Variants in RBFOX1 observed in about 807,000 individuals in gnomAD.
RBFOX1 encodes the protein RNA binding protein fox-1 homolog 1.
In RBFOX1, 8 loss-of-function variants were observed where a neutral mutation model predicts 57.7. The observed-to-expected ratio is 0.14, with a 90% CI of 0.08 to 0.25. The LOEUF (loss-of-function observed/expected upper bound fraction) is 0.25, where lower values mean the gene tolerates loss of function less well. Ranked by LOEUF, RBFOX1 falls within the 10% of genes least tolerant of loss-of-function variation. The probability of loss-of-function intolerance (pLI) is 1.00; values close to 1 mark genes in which losing one functional copy is unlikely to be tolerated. For missense variants in RBFOX1, 611 were observed against 548.5 expected, an observed-to-expected ratio of 1.11 and a Z score of -1.14; for synonymous variants, 326 against 222.4, an observed-to-expected ratio of 1.47 and a Z score of -4.15.
rs565027032 is a variant in RBFOX1 at position 6,193,637 on chromosome 16, C to T, written c.-126-123358C>T. On this transcript the variant is annotated intron_variant, in intron 1 of 15. Coordinates refer to ENST00000550418, the MANE Select transcript of RBFOX1 (RefSeq NM_018723.4). Reference sequence around the variant, plus strand: ...CAGGCAAAGCATTCAGTGACTTGGGCAGCAGTGAGTGTGCAGTAAATGCTA... The same window carrying T: ...CAGGCAAAGCATTCAGTGACTTGGGTAGCAGTGAGTGTGCAGTAAATGCTA... Among the ~76,000 whole-genome samples, 20 of 151,844 alleles carry T rather than the reference C, an allele frequency of 1.3e-4. 1 individual carries two copies. The South Asian group carries it at 2.1e-3, about 16-fold the overall frequency.
Position 5,480,971 on chromosome 16 carries a change from A to G in RBFOX1, c.258+13717A>G, listed in dbSNP as rs111536900. Among the ~76,000 whole-genome samples the G allele has an allele frequency of 7.1e-3, 1,075 of 152,358 alleles. 10 individuals carry two copies. The highest frequency in any genetic ancestry group is 0.024 in the African/African-American group (990 of 41,578). ...ATTCTGGAGGTGGAATGCTCCGTCT[A>G]AAGTCTGAGCTGAGCATTCATGCAG... On this transcript the variant is annotated intron_variant, in intron 2 of 2. Transcript: ENST00000585867.
intron 15 of RBFOX1, chr16:7,709,470 C>A: frequency 6.9e-7 from 1 of 1,443,886 alleles, no homozygotes. Context: ...TTTTTTTTCC[C>A]TCCCTTGCTG....
At chr16:7,613,658 T>G (rs1568099244) in intron 10 of RBFOX1, among the ~76,000 whole-genome samples, 1 of 152,066 alleles carries the variant, frequency 6.6e-6, no homozygotes, top group Non-Finnish European at 1.5e-5. Flanking sequence ...TGGGCTAGAG[T>G]GAACCATGAT....
intron 2 of RBFOX1, among the ~76,000 whole-genome samples, chr16:5,565,806 G>A (rs903165159): frequency 1.3e-5 from 2 of 152,010 alleles, no homozygotes; most frequent in Admixed American, 1.3e-4. Flanking sequence ...ATGTGGACAT[G>A]GGAAATAAGA....
chr16:6,992,707 G>A (rs535143569), intron 3 of RBFOX1, among the ~76,000 whole-genome samples: 1 of 152,146 alleles, frequency 6.6e-6, no homozygotes, highest in South Asian at 2.1e-4. Context: ...ACCAGCTAAT[G>A]ATTTTAGAGA....
At chr16:7,158,179 T>G (rs925399223) in intron 4 of RBFOX1, among the ~76,000 whole-genome samples, 1 of 152,014 alleles carries the variant, frequency 6.6e-6, no homozygotes, top group Non-Finnish European at 1.5e-5. Flanking sequence ...AAACCCTGTC[T>G]CTATAAAAAT....
chr16:5,533,736 G>T (rs1032722021), intron 2 of RBFOX1, among the ~76,000 whole-genome samples: 4 of 152,200 alleles, frequency 2.6e-5, no homozygotes, highest in African/African-American at 9.7e-5. Flanking sequence ...GTGTTTCAAG[G>T]TTACCGGGGA....
At position 7,126,399 on chromosome 16, in the gene RBFOX1, C is replaced by T. The variant is rs573455234; in HGVS notation, c.27+74301C>T. 15 of 241,274 alleles carry T rather than the reference C, an allele frequency of 6.2e-5. No individual in the cohort carries two copies. The East Asian group carries it at 1.6e-3, about 26-fold the overall frequency. The allele number at this position is 241,274 out of a possible 1,614,324, so 14.9% of individuals were successfully genotyped here. On this transcript the variant is annotated intron_variant, in intron 4 of 15. Transcript: ENST00000550418. ...ACAAGATCAATTCCTGACTACTTTA[C>T]TGTGAACTGTGCAGCTCACACAGTA...
chr16:6,470,993 T>A (rs573488696), intron 2 of RBFOX1, among the ~76,000 whole-genome samples: 2 of 152,344 alleles, frequency 1.3e-5, no homozygotes, highest in South Asian at 4.1e-4. Context: ...CCAGTGTTCC[T>A]TTCTGCACAC....
intron 1 of RBFOX1, among the ~76,000 whole-genome samples, chr16:6,030,850 T>C (rs1270878625): frequency 1.3e-5 from 2 of 152,200 alleles, no homozygotes; most frequent in South Asian, 4.2e-4. Flanking sequence ...ATTTATTGCC[T>C]TTTTCATGCA....
At chr16:6,612,849 C>CAAA (rs539098192) in intron 2 of RBFOX1, among the ~76,000 whole-genome samples, 58 of 103,072 alleles carry the variant, frequency 5.6e-4, no homozygotes, top group East Asian at 2.8e-3. Flanking sequence ...GACTCTCTCT[C>CAAA]AAAAAAAAAA....
intron 3 of RBFOX1, among the ~76,000 whole-genome samples, chr16:6,936,468 C>A (rs934731893): frequency 2.0e-5 from 3 of 152,134 alleles, no homozygotes; most frequent in Non-Finnish European, 4.4e-5. Flanking sequence ...TCATTACTTT[C>A]TTCCTTCATC....
At chr16:7,269,403 A>T (rs1205716169) in intron 4 of RBFOX1, among the ~76,000 whole-genome samples, 1 of 152,174 alleles carries the variant, frequency 6.6e-6, no homozygotes, top group African/African-American at 2.4e-5. Context: ...ATCACTTTTT[A>T]AAAACATTTT....
At chr16:7,630,460 G>A (rs779401330) in intron 10 of RBFOX1, 143 bp from the exon 11 acceptor site, 1 of 1,505,662 alleles carries the variant, frequency 6.6e-7, no homozygotes, top group Non-Finnish European at 8.8e-7. Flanking sequence ...TAAGGCAGGG[G>A]GCTTTGTTGG....
At chr16:6,284,263 A>G (rs1031836717) in intron 1 of RBFOX1, among the ~76,000 whole-genome samples, 4 of 152,144 alleles carry the variant, frequency 2.6e-5, no homozygotes, top group African/African-American at 7.2e-5. Context: ...AGTTTGCTCG[A>G]TCTCTTTTCC....
intron 2 of RBFOX1, among the ~76,000 whole-genome samples, chr16:6,526,918 T>A (rs1398786297): frequency 6.4e-5 from 8 of 125,126 alleles, no homozygotes; most frequent in Non-Finnish European, 1.2e-4. Context: ...CCATGGTACA[T>A]AAAAGATATA....
At chr16:6,187,843 C>T (rs558903544) in intron 1 of RBFOX1, among the ~76,000 whole-genome samples, 2 of 152,150 alleles carry the variant, frequency 1.3e-5, no homozygotes, top group South Asian at 2.1e-4. Context: ...GGCTCTGATA[C>T]GAATGTGACC....
intron 4 of RBFOX1, among the ~76,000 whole-genome samples, chr16:7,490,347 G>A (rs2066602430): frequency 6.6e-6 from 1 of 152,172 alleles, no homozygotes; most frequent in African/African-American, 2.4e-5. Context: ...CTCTATCAGG[G>A]CTCTATCCCT....
At chr16:6,495,768 G>A (rs1273948819) in intron 2 of RBFOX1, among the ~76,000 whole-genome samples, 3 of 151,984 alleles carry the variant, frequency 2.0e-5, no homozygotes, top group Admixed American at 1.3e-4. Flanking sequence ...TGCTTTTTTG[G>A]TGTGGCCCAA....
Sources: gnomAD v4.1 joint callset for allele counts (sites outside exome capture counted in the v4.1 genomes callset) on GRCh38, gnomAD v4.1.1 for gene constraint, MANE v1.5 for transcripts, NCBI Gene and HGNC (gene_info 2026-07-23, HGNC 2026-07-21) for gene names.